Variants in CADPS2 observed in about 807,000 individuals in gnomAD.
The protein encoded by CADPS2 is calcium-dependent secretion activator 2.
A neutral mutation model predicts 172.5 loss-of-function variants in CADPS2; 93 were observed. The observed-to-expected ratio is 0.54, with a 90% CI of 0.46 to 0.64. CADPS2 has a LOEUF of 0.64. CADPS2 is among the 30% of genes least tolerant of loss of function. The pLI is 0.00. For missense variants in CADPS2, 1,420 were observed against 1,565.9 expected (o/e 0.91, Z 1.57); for synonymous variants, 546 against 555.2 (o/e 0.98, Z 0.23).
intron 6 of CADPS2, among the ~76,000 whole-genome samples, chr7:122,598,284 A>G (rs1335224920): frequency 6.6e-6 from 1 of 152,004 alleles, no homozygotes; most frequent in Non-Finnish European, 1.5e-5. Flanking sequence ...GAGTTGGGAA[A>G]AAAGGAAAAT....
intron 1 of CADPS2, among the ~76,000 whole-genome samples, chr7:122,854,054 G>A (rs944337146): frequency 1.3e-5 from 2 of 152,108 alleles, no homozygotes; most frequent in Non-Finnish European, 2.9e-5. Context: ...CGATGTCCTC[G>A]GAGCTGCCAG....
intron 1 of CADPS2, among the ~76,000 whole-genome samples, chr7:122,838,499 C>T (rs1809303509): frequency 6.6e-6 from 1 of 152,172 alleles, no homozygotes; most frequent in Admixed American, 6.5e-5. Flanking sequence ...TCCCTGTTTG[C>T]AGATGACATG....
chr7:122,433,372 A>ATAAATTAC (rs1456403836), intron 17 of CADPS2, among the ~76,000 whole-genome samples: 2 of 151,198 alleles, frequency 1.3e-5, no homozygotes, highest in African/African-American at 4.9e-5. Context: ...TTTAAATTAC[A>ATAAATTAC]TAAATTACAT....
At chr7:122,563,200 T>C (rs569223325) in intron 7 of CADPS2, among the ~76,000 whole-genome samples, 9 of 152,278 alleles carry the variant, frequency 5.9e-5, no homozygotes, top group African/African-American at 2.2e-4. Flanking sequence ...TTTTAATATG[T>C]ATATAGACAG....
chr7:122,621,325 T>C (rs2075587579), intron 5 of CADPS2, among the ~76,000 whole-genome samples, 156 bp downstream of exon 5: 1 of 152,220 alleles, frequency 6.6e-6, no homozygotes, highest in Admixed American at 6.5e-5. Flanking sequence ...TTCATTTGCA[T>C]ATATAAGCTG....
chr7:122,389,509 G>C (rs1303689684), intron 22 of CADPS2, among the ~76,000 whole-genome samples: 1 of 151,768 alleles, frequency 6.6e-6, no homozygotes, highest in East Asian at 1.9e-4. Context: ...TTATAGAAGA[G>C]TTACAGTAAC....
chr7:122,795,488 C>T (rs866684643), intron 1 of CADPS2, among the ~76,000 whole-genome samples: 4 of 151,962 alleles, frequency 2.6e-5, no homozygotes, highest in Non-Finnish European at 4.4e-5. Flanking sequence ...AAACTGAATC[C>T]GGCATCACTT....
chr7:122,808,067 T>C (rs959910785), intron 1 of CADPS2, among the ~76,000 whole-genome samples: 43 of 152,142 alleles, frequency 2.8e-4, no homozygotes, highest in African/African-American at 1.0e-3. Flanking sequence ...ACAATAACAT[T>C]CTACTTCAAT....
intron 2 of CADPS2, among the ~76,000 whole-genome samples, chr7:122,704,945 G>A (rs1203129656): frequency 6.6e-6 from 1 of 151,934 alleles, no homozygotes; most frequent in African/African-American, 2.4e-5. Context: ...AAATTATGTG[G>A]TCCAAAATAT....
chr7:122,471,247 T>A lies in CADPS2; in HGVS notation c.2186+128A>T, dbSNP rs1264561051. The A allele has an allele frequency of 8.6e-5, 53 of 616,560 alleles. 1 individual carries two copies. The highest frequency in any genetic ancestry group is 1.1e-4 in the Non-Finnish European group (43 of 402,176). 38.2% of individuals were successfully genotyped at this position (616,560 alleles called of 1,614,324 possible). On this transcript the variant is annotated intron_variant, in intron 14 of 29. Transcript: ENST00000449022. ...GCACACTTTTTTCTCTGTCGTTTTTTTTTTTTTCCTTGTAAGAAGTGTTTG... is the reference window on the plus strand; with the variant it reads ...GCACACTTTTTTCTCTGTCGTTTTTATTTTTTTCCTTGTAAGAAGTGTTTG...
chr7:122,321,421 G>A (rs1563059849), intron 29 of CADPS2, among the ~76,000 whole-genome samples: 1 of 152,196 alleles, frequency 6.6e-6, no homozygotes, highest in Non-Finnish European at 1.5e-5. Context: ...TCACATCTCA[G>A]CCTCCCAAAG....
chr7:122,573,849 G>T (rs1476256097), intron 7 of CADPS2, among the ~76,000 whole-genome samples: 1 of 151,988 alleles, frequency 6.6e-6, no homozygotes, highest in Non-Finnish European at 1.5e-5. Flanking sequence ...AATAATATTT[G>T]ATTTCTGAAA....
At chr7:122,542,412 A>C (rs2131649243) in intron 8 of CADPS2, among the ~76,000 whole-genome samples, 1 of 152,274 alleles carries the variant, frequency 6.6e-6, no homozygotes, top group East Asian at 1.9e-4. Flanking sequence ...TCTTTGGGTA[A>C]ACAACACATG....
chr7:122,407,667 A>G lies in CADPS2; in HGVS notation c.2619T>C (p.Ala873=). The change falls in exon 20 of 30, where the codon GCT becomes GCC. Residue 873 remains alanine (A), a synonymous_variant. Coordinates refer to ENST00000449022, the MANE Select transcript of CADPS2 (RefSeq NM_017954.11). ...AAGCCCAAAATTTCTCTGCATGTTC[A>G]GCCAATAAATCAGGCCACCAGGCAA... ...EAFAWWPDLL[A]EHAEKFWALF... 6.2e-7 allele frequency: 1 copy of G among 1,611,400 alleles called. No individual in the cohort carries two copies. The highest frequency in any genetic ancestry group is 8.5e-7 in the Non-Finnish European group (1 of 1,178,702).
At chr7:122,415,952 A>T (rs988612244) in intron 18 of CADPS2, 109 bp downstream of exon 18, 1 of 544,544 alleles carries the variant, frequency 1.8e-6, no homozygotes, top group African/African-American at 1.9e-5. Context: ...TTATTCGTTA[A>T]ATGTTCAGAT....
chr7:122,735,505 T>C (rs2092087827), intron 2 of CADPS2, among the ~76,000 whole-genome samples: 1 of 152,192 alleles, frequency 6.6e-6, no homozygotes, highest in Non-Finnish European at 1.5e-5. Context: ...GTGCCTTTTT[T>C]TCAATCTGTA....
chr7:122,659,839 C>T (rs567033520), intron 3 of CADPS2, among the ~76,000 whole-genome samples: 53 of 151,906 alleles, frequency 3.5e-4, no homozygotes, highest in African/African-American at 1.2e-3. Context: ...AACAAAAAGA[C>T]AGTGTGGTGA....
chr7:122,377,881 T>C (rs2042538716), intron 25 of CADPS2, among the ~76,000 whole-genome samples: 1 of 152,092 alleles, frequency 6.6e-6, no homozygotes, highest in Non-Finnish European at 1.5e-5. Context: ...TCGTTTTTCT[T>C]TGTGGTTGTT....
chr7:122,425,630 T>TCATATACACAATATATGTGTATATACA (rs2049071712), intron 17 of CADPS2, among the ~76,000 whole-genome samples: 3 of 151,528 alleles, frequency 2.0e-5, no homozygotes, highest in South Asian at 4.1e-4. Flanking sequence ...TTTAGCCATG[T>TCATATACACAATATATGTGTATATACA]CATATACACA....
Sources: allele counts gnomAD v4.1 joint callset (sites outside exome capture counted in the v4.1 genomes callset), GRCh38; gene constraint gnomAD v4.1.1; transcripts MANE v1.5; gene names NCBI Gene and HGNC (gene_info 2026-07-23, HGNC 2026-07-21).